The following VRK2 variants were observed in gnomAD, a reference collection of about 807,000 sequenced individuals.
VRK2 encodes VRK serine/threonine kinase 2.
Under a neutral mutation model 57.6 loss-of-function variants are expected in VRK2, and 60 were observed. That is an observed-to-expected ratio of 1.04 (90% CI 0.85 to 1.29). The LOEUF (loss-of-function observed/expected upper bound fraction) is 1.29. Ranked by LOEUF, VRK2 falls within the 50% of genes most tolerant of loss-of-function variation. The pLI is 0.00. For missense variants in VRK2, 705 were observed against 588.1 expected (o/e 1.20, Z -2.06); for synonymous variants, 231 against 199.2 (o/e 1.16, Z -1.35).
chr2:58,055,183 TTTGA>T (rs1676333249), intron 2 of VRK2, among the ~76,000 whole-genome samples: 1 of 152,188 alleles, frequency 6.6e-6, no homozygotes, highest in South Asian at 2.1e-4. Flanking sequence ...CAAACCCATC[TTTGA>T]TTGGCACCTA....
At chr2:57,957,511 G>GT (rs1671622865) in intron 1 of VRK2, among the ~76,000 whole-genome samples, 2 of 150,710 alleles carry the variant, frequency 1.3e-5, no homozygotes, top group African/African-American at 4.9e-5. Flanking sequence ...AAAATCTTAT[G>GT]TTTTTTATCT....
rs771733736 is a variant in VRK2, at chr2:58,047,473, A to G, written c.-6+605A>G. ...AACTCGGGACTCGCCCCCAGGATGT[A>G]CATTTCGTAGAGTCTCCCTTACCGC... On this transcript the variant is annotated intron_variant, in intron 1 of 12. Coordinates refer to ENST00000340157, the MANE Select transcript of VRK2 (RefSeq NM_006296.7). The G allele has an allele frequency of 9.1e-6, 9 of 985,282 alleles. No individual in the cohort carries two copies. The African/African-American group carries it at 1.4e-4, about 15-fold the overall frequency. 61.0% of individuals were successfully genotyped at this position (985,282 alleles called of 1,614,324 possible).
intron 2 of VRK2, among the ~76,000 whole-genome samples, chr2:58,080,551 C>G (rs1279461470): frequency 2.6e-5 from 4 of 151,650 alleles, no homozygotes; most frequent in Non-Finnish European, 4.4e-5. Context: ...TAGATGATTT[C>G]AAGTTCATAA....
At position 58,131,801 on chromosome 2, in the gene VRK2, C is replaced by G; in HGVS notation, c.677-7C>G. On this transcript the variant is annotated splice_region_variant and splice_polypyrimidine_tract_variant and intron_variant, in intron 8 of 12. Transcript: ENST00000340157. ...CTTATCTTTCTCTCTAATGCTTACT[C>G]CTATAGCCTTGTCCAGACGAAGTGA... The G allele has an allele frequency of 6.2e-7, 1 of 1,607,638 alleles. No individual in the cohort carries two copies. Among genetic ancestry groups the G allele is most frequent in the Non-Finnish European group, 8.5e-7 (1 of 1,177,470 alleles).
intron 1 of VRK2, among the ~76,000 whole-genome samples, chr2:58,012,546 C>T (rs1410194007): frequency 6.6e-6 from 1 of 152,208 alleles, no homozygotes. Context: ...ATCTTCAGCC[C>T]TCTTCCCCTC....
At position 58,017,698 on chromosome 2, in the gene VRK2, C is replaced by A. The variant is rs571782656; in HGVS notation, c.-438-7967C>A. 1.2e-4 allele frequency among the ~76,000 whole-genome samples: 18 copies of A among 152,188 alleles called. No homozygotes were observed. In the East Asian group the frequency reaches 3.3e-3, roughly 28 times the overall value. On this transcript the variant is annotated intron_variant, in intron 1 of 15. Transcript: ENST00000417641. ...CTTTTTTATGGGAGATCTTTGCTTTCCCAAAGCACTGACATTAGTATATAA... is the reference window on the plus strand; with the variant it reads ...CTTTTTTATGGGAGATCTTTGCTTTACCAAAGCACTGACATTAGTATATAA...
At chr2:57,923,401 G>T (rs149070906) in intron 1 of VRK2, among the ~76,000 whole-genome samples, 2 of 151,902 alleles carry the variant, frequency 1.3e-5, no homozygotes, top group South Asian at 2.1e-4. Flanking sequence ...GTTATTTCCT[G>T]TTTTTTAGAT....
chr2:58,132,233 A>C (rs1181688856), intron 9 of VRK2, among the ~76,000 whole-genome samples: 1 of 152,210 alleles, frequency 6.6e-6, no homozygotes, highest in Non-Finnish European at 1.5e-5. Context: ...AATATTTTCA[A>C]ATTAGCATTG....
intron 2 of VRK2, among the ~76,000 whole-genome samples, chr2:58,032,302 A>T (rs764105419): frequency 2.0e-5 from 3 of 152,104 alleles, no homozygotes; most frequent in Non-Finnish European, 4.4e-5. Flanking sequence ...TAGCTTTATA[A>T]ACAAAAGATT....
intron 2 of VRK2, among the ~76,000 whole-genome samples, chr2:58,074,115 C>G (rs767561210): frequency 2.0e-5 from 3 of 152,058 alleles, no homozygotes; most frequent in Non-Finnish European, 2.9e-5. Flanking sequence ...CTGTAGCTTT[C>G]TTTTGATTTG....
chr2:58,135,992 G>C (rs573815263), intron 10 of VRK2, among the ~76,000 whole-genome samples: 1 of 152,214 alleles, frequency 6.6e-6, no homozygotes, highest in African/African-American at 2.4e-5. Context: ...CTCAAAGTTA[G>C]CTTTGAGCTG....
rs1484526450 is a variant in VRK2 at position 57,937,892 on chromosome 2, C to T, written c.-439+30053C>T. Reference sequence around the variant, plus strand: ...TGTCTCCTAGGCTGGAGTGCAATGGCATGATCTCGGCTCACTGCAACCTCC... The same window carrying T: ...TGTCTCCTAGGCTGGAGTGCAATGGTATGATCTCGGCTCACTGCAACCTCC... On this transcript the variant is annotated intron_variant, in intron 1 of 15. Transcript: ENST00000417641. 3.7e-5 allele frequency among the ~76,000 whole-genome samples: 5 copies of T among 134,746 alleles called. 1 individual carries two copies. The highest frequency in any genetic ancestry group is 1.4e-4 in the African/African-American group (5 of 35,636). 88.4% of individuals were successfully genotyped at this position (134,746 alleles called of 152,430 possible).
intron 7 of VRK2, among the ~76,000 whole-genome samples, chr2:58,116,619 G>C (rs1676538790): frequency 6.6e-6 from 1 of 152,152 alleles, no homozygotes; most frequent in Non-Finnish European, 1.5e-5. Flanking sequence ...CACTCTGAGA[G>C]TTACCTAAAG....
rs1670138798 is a variant in VRK2, at chr2:57,916,107, C to G, written c.-439+8268C>G. ...TAAATACCTCCACAAATGTTTCAAT[C>G]TTAAGAATACCCACCAAGGGCGGGC... is the stretch of plus-strand genomic sequence containing the variant. On this transcript the variant is annotated intron_variant, in intron 1 of 15. Transcript: ENST00000417641. Among the ~76,000 whole-genome samples the G allele has an allele frequency of 2.0e-5, 3 of 152,044 alleles. No individual in the cohort carries two copies. In the South Asian group the frequency reaches 6.2e-4, roughly 32 times the overall value.
chr2:58,097,110 T>G (rs576711293), intron 7 of VRK2, among the ~76,000 whole-genome samples: 1 of 152,188 alleles, frequency 6.6e-6, no homozygotes, highest in East Asian at 1.9e-4. Context: ...CTTCCATGTT[T>G]GCTTGAGAAA....
At chr2:57,943,814 T>C (rs924363823) in intron 1 of VRK2, among the ~76,000 whole-genome samples, 1 of 152,212 alleles carries the variant, frequency 6.6e-6, no homozygotes, top group African/African-American at 2.4e-5. Flanking sequence ...TACAGGGTCA[T>C]TTCTCTGAAA....
intron 7 of VRK2, among the ~76,000 whole-genome samples, chr2:58,101,586 T>C (rs1673970214): frequency 6.6e-6 from 1 of 151,758 alleles, no homozygotes; most frequent in African/African-American, 2.4e-5. Context: ...TTTTCTTTTT[T>C]TGTGACTTTT....
At chr2:58,115,789 G>A (rs1676371261) in intron 7 of VRK2, among the ~76,000 whole-genome samples, 1 of 152,200 alleles carries the variant, frequency 6.6e-6, no homozygotes, top group Admixed American at 6.5e-5. Flanking sequence ...GTGAAGCCTT[G>A]CGGCAGTACA....
At chr2:58,094,984 T>C (rs1558628965) in intron 7 of VRK2, among the ~76,000 whole-genome samples, 1 of 152,184 alleles carries the variant, frequency 6.6e-6, no homozygotes, top group African/African-American at 2.4e-5. Flanking sequence ...CTGTATTATT[T>C]TGTTTAGTTT....
Sources: gnomAD v4.1 joint callset for allele counts (sites outside exome capture counted in the v4.1 genomes callset) on GRCh38, gnomAD v4.1.1 for gene constraint, MANE v1.5 for transcripts, NCBI Gene and HGNC (gene_info 2026-07-23, HGNC 2026-07-21) for gene names.